Variants in LONRF3 observed in about 807,000 individuals in gnomAD.
LONRF3 encodes LON peptidase N-terminal domain and ring finger 3.
Under a neutral mutation model 51.7 loss-of-function variants are expected in LONRF3, and 19 were observed. The ratio of observed to expected loss-of-function variants is 0.37; its 90% CI spans 0.26 to 0.54. LONRF3 has a LOEUF of 0.54. LONRF3 is among the 20% of genes least tolerant of loss of function. The pLI, the probability that LONRF3 is intolerant of heterozygous loss-of-function variation, is 0.86. For missense variants in LONRF3, 521 were observed against 623.9 expected (o/e 0.84, Z 1.76); for synonymous variants, 265 against 257.8 (o/e 1.03, Z -0.27).
intron 7 of LONRF3, 118 bp downstream of exon 7, chrX:119,009,365 T>A: frequency 1.3e-6 from 1 of 768,729 alleles, no homozygotes; most frequent in South Asian, 2.9e-5. Context: ...TGAAATTGGC[T>A]ATGGTGAGAG....
Position 118,975,971 on chromosome X carries a change from T to A in LONRF3, c.817+374T>A, listed in dbSNP as rs1178387959. On this transcript the variant is annotated intron_variant, in intron 1 of 10. Coordinates refer to ENST00000371628, the MANE Select transcript of LONRF3 (RefSeq NM_001031855.3). Reference sequence around the variant, plus strand: ...TTCTTTCTTTTTCGGTGTCACTGTCTCTGTTCCTCTGACTCTCCTTCTCCC... The same window carrying A: ...TTCTTTCTTTTTCGGTGTCACTGTCACTGTTCCTCTGACTCTCCTTCTCCC... Among the ~76,000 whole-genome samples the A allele has an allele frequency of 1.2e-4, 14 of 112,176 alleles. No individual in the cohort carries two copies. The Admixed American group carries it at 1.3e-3, about 10-fold the overall frequency.
intron 3 of LONRF3, among the ~76,000 whole-genome samples, chrX:118,986,246 T>TTAAACTTAACC (rs2147273912): frequency 8.9e-6 from 1 of 111,734 alleles, no homozygotes; most frequent in South Asian, 3.8e-4. Flanking sequence ...CGCCTAGTAC[T>TTAAACTTAACC]TAAACTTAAC....
intron 2 of LONRF3, among the ~76,000 whole-genome samples, chrX:118,980,006 C>T (rs1329544965): frequency 8.9e-6 from 1 of 112,179 alleles, no homozygotes; most frequent in Non-Finnish European, 1.9e-5. Flanking sequence ...CTCTCTGAAC[C>T]CCAAGTATCC....
At chrX:119,006,398 CTTTTTTTTT>C (rs1042593971) in intron 6 of LONRF3, among the ~76,000 whole-genome samples, 163 bp downstream of exon 6, 4 of 86,741 alleles carry the variant, frequency 4.6e-5, no homozygotes, top group Admixed American at 1.3e-4. Context: ...CTCCTGTCTT[CTTTTTTTTT>C]TTTTTTTTTT....
chrX:119,008,902 AT>A, intron 6 of LONRF3, among the ~76,000 whole-genome samples: 1 of 111,738 alleles, frequency 8.9e-6, no homozygotes, highest in African/African-American at 3.3e-5. Context: ...CTTGTTAAAA[AT>A]TTTTTTCTAA....
chrX:118,975,157 C>A lies in LONRF3; in HGVS notation c.377C>A (p.Pro126Gln), dbSNP rs2147259900. 3 of 1,171,107 alleles carry A rather than the reference C, an allele frequency of 2.6e-6. No homozygotes were observed. Among genetic ancestry groups the A allele is most frequent in the Non-Finnish European group, 3.4e-6 (3 of 875,605 alleles). Residue 126 changes from proline (P) to glutamine (Q), a missense_variant, in exon 1 of 11, where the codon CCG becomes CAG. By Grantham distance (76) the Pro-to-Gln change is moderately conservative. This residue lies in a region of LONRF3 where 376 missense variants were observed against 376.7 expected (regional missense o/e 1.00). Transcript: ENST00000371628. ...GGCGAGGCGCTGGCGCCGGCGCCCC[C>A]GGACGAGGGTAGCACTGCAAGCGGC... ...PQGEALAPAP[P>Q]DEGSTASGTV... is the part of the protein sequence containing the mutation.
At chrX:118,992,767 T>C (rs1046092528) in intron 5 of LONRF3, among the ~76,000 whole-genome samples, 5 of 110,994 alleles carry the variant, frequency 4.5e-5, no homozygotes, top group Non-Finnish European at 9.4e-5. Context: ...ATGGAGTCCA[T>C]TGCACCCACC....
chrX:118,995,100 C>A (rs1391329188), intron 5 of LONRF3, among the ~76,000 whole-genome samples: 1 of 112,035 alleles, frequency 8.9e-6, no homozygotes, highest in Non-Finnish European at 1.9e-5. Flanking sequence ...ATAAAATGAG[C>A]CTCACTAAAT....
chrX:118,981,552 T>C lies in LONRF3; in HGVS notation c.937-1269T>C, dbSNP rs191795670. On this transcript the variant is annotated intron_variant, in intron 2 of 10. Transcript: ENST00000371628. ...TGATTAGTGGGATCACACAGAGGCC[T>C]TTCCAGTCTCCCAACACTTCTCCCC... 2.2e-3 allele frequency among the ~76,000 whole-genome samples: 243 copies of C among 109,274 alleles called. 2 individuals carry two copies. Among genetic ancestry groups the C allele is most frequent in the African/African-American group, 7.5e-3 (226 of 29,991 alleles). 94.9% of individuals were successfully genotyped at this position (109,274 alleles called of 115,157 possible).
intron 7 of LONRF3, 105 bp from the exon 8 acceptor site, chrX:119,011,710 G>A (rs1925120884): frequency 1.2e-6 from 1 of 821,127 alleles, no homozygotes; most frequent in Admixed American, 2.6e-5. Context: ...AAACAAACTT[G>A]GTGTCTCTGC....
intron 3 of LONRF3, among the ~76,000 whole-genome samples, chrX:118,987,397 C>A (rs1475820674): frequency 1.0e-4 from 11 of 106,893 alleles, no homozygotes; most frequent in Non-Finnish European, 1.9e-4. Context: ...CCCACCTCAG[C>A]CTCCCGAGTA....
intron 5 of LONRF3, among the ~76,000 whole-genome samples, chrX:119,005,791 G>A (rs1254887799): frequency 2.7e-5 from 3 of 111,237 alleles, no homozygotes; most frequent in African/African-American, 6.5e-5. Flanking sequence ...AAATATTTTC[G>A]GAATGGAATT....
At chrX:119,012,041 C>T in intron 8 of LONRF3, 68 bp downstream of exon 8, 1 of 1,110,751 alleles carries the variant, frequency 9.0e-7, no homozygotes, top group Non-Finnish European at 1.2e-6. Flanking sequence ...CTTTGGGGTA[C>T]TCCCAGGAGA....
chrX:119,008,799 C>G (rs1924903273), intron 6 of LONRF3, among the ~76,000 whole-genome samples: 2 of 111,304 alleles, frequency 1.8e-5, no homozygotes, highest in South Asian at 7.6e-4. Flanking sequence ...GAAGAATTCC[C>G]CCCACCCTAC....
At position 119,018,339 on chromosome X, in the gene LONRF3, A is replaced by T. The variant is rs932498320; in HGVS notation, c.*649A>T. 2 of 111,785 alleles carry T rather than the reference A, an allele frequency of 1.8e-5. No individual in the cohort carries two copies. Among genetic ancestry groups the T allele is most frequent in the African/African-American group, 6.5e-5 (2 of 30,749 alleles). 9.2% of individuals were successfully genotyped at this position (111,785 alleles called of 1,213,427 possible). On this transcript the variant is annotated 3_prime_UTR_variant, in exon 11 of 11. Transcript: ENST00000371628. ...TTGCTTTTATCTTTTTTTTACTACA[A>T]TGACACTAGTTCTTAGACCATTTCC...
intron 6 of LONRF3, among the ~76,000 whole-genome samples, chrX:119,006,858 G>T (rs1360674759): frequency 1.8e-5 from 2 of 111,986 alleles, no homozygotes; most frequent in East Asian, 2.8e-4. Context: ...AAAGTGCTGG[G>T]ATTACAGGCG....
Position 118,998,806 on chromosome X carries a change from T to C in LONRF3, c.1416-7315T>C, listed in dbSNP as rs755352141. Reference sequence around the variant, plus strand: ...ATCCTCTGCCTCCCAGTTCAGGCAATTCAGCCTCCTGCCTGGCAAATTTTT... The same window carrying C: ...ATCCTCTGCCTCCCAGTTCAGGCAACTCAGCCTCCTGCCTGGCAAATTTTT... On this transcript the variant is annotated intron_variant, in intron 5 of 10. Transcript: ENST00000371628. Among the ~76,000 whole-genome samples, 6 of 111,750 alleles carry C rather than the reference T, an allele frequency of 5.4e-5. No homozygotes were observed. In the East Asian group the frequency reaches 1.7e-3, roughly 31 times the overall value.
chrX:118,989,352 G>A, intron 3 of LONRF3, 56 bp from the exon 4 acceptor site: 1 of 1,160,094 alleles, frequency 8.6e-7, no homozygotes. Flanking sequence ...GTAGGAATAT[G>A]AGAGGACAAT....
chrX:118,991,255 C>A (rs5910474), intron 5 of LONRF3, among the ~76,000 whole-genome samples: 50,873 of 110,662 alleles, frequency 0.46, 9,159 homozygotes, highest in African/African-American at 0.65. Context: ...CCGCCACCCA[C>A]CTGCCTTATT....
Sources: gnomAD v4.1 joint callset for allele counts (sites outside exome capture counted in the v4.1 genomes callset) on GRCh38, gnomAD v4.1.1 for gene constraint, gnomAD v4.1.1 regional missense constraint, MANE v1.5 for transcripts, NCBI Gene and HGNC (gene_info 2026-07-23, HGNC 2026-07-21) for gene names.